ANO6: variants seen among roughly 807,000 people sequenced by gnomAD.
ANO6 encodes anoctamin-6.
Under a neutral mutation model 117.5 loss-of-function variants are expected in ANO6, and 106 were observed. The ratio of observed to expected loss-of-function variants is 0.90; its 90% CI spans 0.77 to 1.06. ANO6 has a LOEUF of 1.06. Ranked by LOEUF, ANO6 falls within the 50% of genes least tolerant of loss-of-function variation. The pLI, the probability that ANO6 is intolerant of heterozygous loss-of-function variation, is 0.00. For missense variants in ANO6, 955 were observed against 1,121.1 expected, an observed-to-expected ratio of 0.85 and a Z score of 2.12; for synonymous variants, 367 against 385.1, an observed-to-expected ratio of 0.95 and a Z score of 0.55.
In ANO6 at chr12:45,268,984, A is replaced by G. The variant is rs76302810; in HGVS notation, c.71-33030A>G. On this transcript the variant is annotated intron_variant, in intron 1 of 19. Transcript: ENST00000320560. Reference sequence around the variant, plus strand: ...ATGTGAGCAGTCTTACTGCTAATCAAGATTTATGGTGGAGACCAGGACGCC... The same window carrying G: ...ATGTGAGCAGTCTTACTGCTAATCAGGATTTATGGTGGAGACCAGGACGCC... 5.5e-4 allele frequency among the ~76,000 whole-genome samples: 83 copies of G among 152,264 alleles called. No homozygotes were observed. In the East Asian group the frequency reaches 0.012, roughly 21 times the overall value.
intron 1 of ANO6, among the ~76,000 whole-genome samples, chr12:45,227,393 T>G (rs530717110): frequency 6.6e-6 from 1 of 152,312 alleles, no homozygotes; most frequent in East Asian, 1.9e-4. Context: ...AGGAAAGTCT[T>G]ACGGTCAGAT....
chr12:45,357,141 G>T (rs1203253119), intron 7 of ANO6, 149 bp from the exon 8 acceptor site: 7 of 820,120 alleles, frequency 8.5e-6, no homozygotes, highest in Non-Finnish European at 1.4e-5. Flanking sequence ...AGAATTCAGG[G>T]TCTGCTGTGA....
At chr12:45,309,370 T>C (rs1939776767) in intron 2 of ANO6, among the ~76,000 whole-genome samples, 1 of 152,106 alleles carries the variant, frequency 6.6e-6, no homozygotes, top group Admixed American at 6.6e-5. Flanking sequence ...TCTATTCACA[T>C]GGACCTGAAA....
intron 1 of ANO6, among the ~76,000 whole-genome samples, chr12:45,268,148 C>T (rs755731293): frequency 1.1e-3 from 167 of 152,254 alleles, no homozygotes; most frequent in Non-Finnish European, 1.8e-3. Flanking sequence ...TATAATTTAC[C>T]TAATCACCTA....
intron 16 of ANO6, among the ~76,000 whole-genome samples, chr12:45,413,559 G>A (rs192337784): frequency 1.3e-5 from 2 of 152,334 alleles, no homozygotes; most frequent in Admixed American, 1.3e-4. Flanking sequence ...AATATCAAGA[G>A]AGATGGACAG....
At chr12:45,397,003 TTAAAC>T (rs1220062100) in intron 12 of ANO6, among the ~76,000 whole-genome samples, 1 of 152,104 alleles carries the variant, frequency 6.6e-6, no homozygotes, top group African/African-American at 2.4e-5. Flanking sequence ...TGGGATCTAA[TTAAAC>T]TAAAGAGCTT....
intron 1 of ANO6, among the ~76,000 whole-genome samples, chr12:45,274,530 G>C (rs1938487317): frequency 1.3e-5 from 2 of 151,986 alleles, no homozygotes; most frequent in African/African-American, 4.8e-5. Flanking sequence ...ACTAAGTTTT[G>C]CAAGGACTCC....
At chr12:45,227,179 A>G (rs965604858) in intron 1 of ANO6, among the ~76,000 whole-genome samples, 3 of 151,870 alleles carry the variant, frequency 2.0e-5, no homozygotes, top group Non-Finnish European at 4.4e-5. Context: ...TAGTAGAGAC[A>G]AGGTTTCACC....
rs1293994228 is a variant in ANO6 at position 45,424,361 on chromosome 12, C to CA, written c.2526+1300dup. On this transcript the variant is annotated intron_variant, in intron 19 of 19. Transcript: ENST00000320560. ...TTTTTTTTTTTTTTTTTTTTAAAGA[C>CA]AGAGTCTCACTCTGTTGCCCAGGCT... Among the ~76,000 whole-genome samples, 626 of 76,888 alleles carry CA rather than the reference C, an allele frequency of 8.1e-3. 9 individuals carry two copies. Among genetic ancestry groups the CA allele is most frequent in the African/African-American group, 0.034 (601 of 17,448 alleles). The allele number at this position is 76,888 out of a possible 152,430, so 50.4% of individuals were successfully genotyped here. A position where few individuals can be genotyped will look rare whatever the true frequency, so the allele number is the denominator to read the frequency against.
At chr12:45,394,522 C>CA (rs1942554339) in intron 12 of ANO6, among the ~76,000 whole-genome samples, 1 of 152,144 alleles carries the variant, frequency 6.6e-6, no homozygotes, top group African/African-American at 2.4e-5. Context: ...ACTCTCCACC[C>CA]AAAAACAACA....
Position 45,431,949 on chromosome 12 carries a change from A to C in ANO6, c.*2638A>C. 1.0e-6 allele frequency: 1 copy of C among 985,244 alleles called. No homozygotes were observed. The highest frequency in any genetic ancestry group is 1.2e-6 in the Non-Finnish European group (1 of 829,742). 61.0% of individuals were successfully genotyped at this position (985,244 alleles called of 1,614,324 possible). A position where few individuals can be genotyped will look rare whatever the true frequency, so the allele number is the denominator to read the frequency against. On this transcript the variant is annotated 3_prime_UTR_variant, in exon 20 of 20. Coordinates refer to ENST00000320560, the MANE Select transcript of ANO6 (RefSeq NM_001025356.3). The stretch of plus-strand genomic sequence containing the variant: ...TAAACATCCCTCAGATAATTTAGCT[A>C]TATATCATTAGAAAGGGAAAGCTAT...
Position 45,424,343 on chromosome 12 carries a change from T to G in ANO6, c.2526+1281T>G, listed in dbSNP as rs1053451310. On this transcript the variant is annotated intron_variant, in intron 19 of 19. Transcript: ENST00000320560. Reference sequence around the variant, plus strand: ...AGGTGATGGGTTTTTTTTTTTTTTTTTTTTTTTTTTTTAAAGACAGAGTCT... The same window carrying G: ...AGGTGATGGGTTTTTTTTTTTTTTTGTTTTTTTTTTTTAAAGACAGAGTCT... Among the ~76,000 whole-genome samples, 73 of 129,622 alleles carry G rather than the reference T, an allele frequency of 5.6e-4. No individual in the cohort carries two copies. In the East Asian group the frequency reaches 8.7e-3, roughly 15 times the overall value. 85.0% of individuals were successfully genotyped at this position (129,622 alleles called of 152,430 possible). A position where few individuals can be genotyped will look rare whatever the true frequency, so the allele number is the denominator to read the frequency against.
At chr12:45,419,870 T>C (rs867876706) in intron 17 of ANO6, among the ~76,000 whole-genome samples, 1 of 152,032 alleles carries the variant, frequency 6.6e-6, no homozygotes, top group Non-Finnish European at 1.5e-5. Flanking sequence ...ATACACAGGT[T>C]TATGATTGGC....
chr12:45,335,412 A>G (rs1940795986), intron 3 of ANO6: 2 of 151,980 alleles, frequency 1.3e-5, no homozygotes, highest in Non-Finnish European at 2.9e-5. Flanking sequence ...CTCTTGGGAA[A>G]TGTTTAAAAA....
At chr12:45,265,288 T>C (rs1938178360) in intron 1 of ANO6, among the ~76,000 whole-genome samples, 1 of 152,172 alleles carries the variant, frequency 6.6e-6, no homozygotes, top group African/African-American at 2.4e-5. Flanking sequence ...TACGAAGTTA[T>C]GGAGAACTAA....
At chr12:45,408,509 G>A (rs892755752) in intron 15 of ANO6, among the ~76,000 whole-genome samples, 3 of 152,182 alleles carry the variant, frequency 2.0e-5, no homozygotes, top group African/African-American at 7.2e-5. Context: ...AGCTCAGCGG[G>A]GCAGTATCCA....
intron 1 of ANO6, among the ~76,000 whole-genome samples, chr12:45,291,346 C>CAAAAAAAAAA (rs747924513): frequency 2.1e-5 from 1 of 48,236 alleles, no homozygotes; most frequent in Admixed American, 2.3e-4. Flanking sequence ...AACTCCGTCT[C>CAAAAAAAAAA]AAAAAAAAAA....
At chr12:45,228,235 A>C in intron 1 of ANO6, 1 of 420,340 alleles carries the variant, frequency 2.4e-6, no homozygotes, top group Non-Finnish European at 4.6e-6. Context: ...GACTCAATTG[A>C]TCCTCTTACC....
intron 9 of ANO6, among the ~76,000 whole-genome samples, chr12:45,375,321 CA>C (rs2137534809): frequency 6.6e-6 from 1 of 152,300 alleles, no homozygotes; most frequent in Non-Finnish European, 1.5e-5. Flanking sequence ...ATCAAGCTAC[CA>C]ATGCCTTTCT....
Sources: gnomAD v4.1 joint callset for allele counts (sites outside exome capture counted in the v4.1 genomes callset) on GRCh38, gnomAD v4.1.1 for gene constraint, MANE v1.5 for transcripts, NCBI Gene and HGNC (gene_info 2026-07-23, HGNC 2026-07-21) for gene names.